Variants in LIG3 observed in about 807,000 individuals in gnomAD.
LIG3 encodes ligase II, DNA, ATP-dependent.
In LIG3, 58 loss-of-function variants were observed where a neutral mutation model predicts 110.9. That is an observed-to-expected ratio of 0.52 (90% CI 0.42 to 0.65). LIG3 has a LOEUF of 0.65. Ranked by LOEUF, LIG3 falls within the 30% of genes least tolerant of loss-of-function variation. The probability of loss-of-function intolerance (pLI) is 0.00; values close to 1 mark genes in which losing one functional copy is unlikely to be tolerated. For synonymous variants in LIG3, 422 were observed against 472.8 expected (o/e 0.89, Z 1.39); for missense variants, 1,094 against 1,273.8 (o/e 0.86, Z 2.15).
intron 9 of LIG3, among the ~76,000 whole-genome samples, chr17:34,995,347 G>A (rs1308254398): frequency 1.3e-5 from 2 of 152,206 alleles, no homozygotes; most frequent in African/African-American, 4.8e-5. Context: ...TCACTCAGGA[G>A]CTGTTTCTGG....
chr17:34,989,300 T>C (rs1004501838), intron 3 of LIG3, among the ~76,000 whole-genome samples, 166 bp from the exon 4 acceptor site: 3 of 152,160 alleles, frequency 2.0e-5, no homozygotes, highest in African/African-American at 7.2e-5. Context: ...TTACTTGGCC[T>C]CCATTTCTTT....
In LIG3 at chr17:35,008,367, G is replaced by C. The variant is rs2090910678; in HGVS notation, c.*3861G>C. The C allele has an allele frequency of 6.6e-6, 1 of 152,080 alleles. No homozygotes were observed. 9.4% of individuals were successfully genotyped at this position (152,080 alleles called of 1,614,324 possible). On this transcript the variant is annotated 3_prime_UTR_variant, in exon 20 of 20. Transcript: ENST00000378526. ...CTGAGCATCTTGACCAAGGTCACTT[G>C]GCCCAACCACAGGCTAATCCCAGGC...
rs1007072275 is a variant in LIG3 at position 35,004,436 on chromosome 17, C to T, written c.2960C>T (p.Ala987Val). The change falls in exon 20 of 20, where the codon GCG (alanine) becomes GTG (valine). Residue 987 changes from alanine to valine, a missense_variant. Ala to Val is a moderately conservative substitution (Grantham distance 64, BLOSUM62 0). Coordinates refer to ENST00000378526, the MANE Select transcript of LIG3 (RefSeq NM_013975.4). ...CTGGGTAGCAGGGACAAGAACCCTG[C>T]GGCCCAGCAGGTCTCCCCAGAGTGG... is the stretch of plus-strand genomic sequence containing the variant. ...HVLGSRDKNP[A>V]AQQVSPEWIW... 8 of 1,614,088 alleles carry T rather than the reference C, an allele frequency of 5.0e-6. No homozygotes were observed. The highest frequency in any genetic ancestry group is 4.0e-5 in the African/African-American group (3 of 74,930).
chr17:34,982,982 C>G lies in LIG3; in HGVS notation c.-4-20C>G. 3.1e-6 allele frequency: 4 copies of G among 1,304,926 alleles called. No individual in the cohort carries two copies. The highest frequency in any genetic ancestry group is 2.6e-5 in the East Asian group (1 of 38,158). 80.8% of individuals were successfully genotyped at this position (1,304,926 alleles called of 1,614,324 possible). ...TTATATCTTTTTTTTTTTTTTTTGG[C>G]CTCCTACTCTTTCGTACAGCTATAT... On this transcript the variant is annotated intron_variant, in intron 1 of 19. Transcript: ENST00000378526.
intron 3 of LIG3, among the ~76,000 whole-genome samples, chr17:34,989,170 G>T (rs533688831): frequency 6.6e-6 from 1 of 152,160 alleles, no homozygotes; most frequent in Admixed American, 6.5e-5. Flanking sequence ...CATGACTTTG[G>T]TCTTTATTCT....
In LIG3 at chr17:34,992,586, T is replaced by C; in HGVS notation, c.1349T>C (p.Val450Ala). 1 of 1,613,772 alleles carries C rather than the reference T, an allele frequency of 6.2e-7. No individual in the cohort carries two copies. Among genetic ancestry groups the C allele is most frequent in the Non-Finnish European group, 8.5e-7 (1 of 1,179,864 alleles). The change falls in exon 8 of 20, where the codon GTG (valine) becomes GCG (alanine). Residue 450 changes from valine to alanine, a missense_variant. By Grantham distance (64) the Val-to-Ala change is moderately conservative. Transcript: ENST00000378526. ...AAAGCCTCGCGCAACCTGCAGGATGTGGTGGAGCGGGTCCTTCACAACGCG... is the reference window on the plus strand; with the variant it reads ...AAAGCCTCGCGCAACCTGCAGGATGCGGTGGAGCGGGTCCTTCACAACGCG... ...AFKASRNLQD[V>A]VERVLHNAQE...
At chr17:34,996,722 A>G (rs954303322) in intron 11 of LIG3, 69 bp downstream of exon 11, 5 of 1,338,620 alleles carry the variant, frequency 3.7e-6, no homozygotes, top group Admixed American at 1.7e-5. Context: ...GGTGAGGAAG[A>G]TGGGGGCTTC....
chr17:35,005,354 T>C lies in LIG3; in HGVS notation c.*848T>C, dbSNP rs763139130. 3 of 556,004 alleles carry C rather than the reference T, an allele frequency of 5.4e-6. No individual in the cohort carries two copies. Among genetic ancestry groups the C allele is most frequent in the African/African-American group, 3.8e-5 (2 of 52,852 alleles). The allele number at this position is 556,004 out of a possible 1,614,324, so 34.4% of individuals were successfully genotyped here. A position where few individuals can be genotyped will look rare whatever the true frequency, so the allele number is the denominator to read the frequency against. Reference sequence around the variant, plus strand: ...AGTGCTCGAGTGTTCCAACCTGAAGTTGAAGAAGCCACCCTGGCTGCACAT... The same window carrying C: ...AGTGCTCGAGTGTTCCAACCTGAAGCTGAAGAAGCCACCCTGGCTGCACAT... On this transcript the variant is annotated 3_prime_UTR_variant, in exon 20 of 20. Coordinates refer to ENST00000378526, the MANE Select transcript of LIG3 (RefSeq NM_013975.4).
chr17:34,990,750 A>G (rs2090710527), intron 4 of LIG3, among the ~76,000 whole-genome samples: 1 of 152,080 alleles, frequency 6.6e-6, no homozygotes, highest in Admixed American at 6.6e-5. Flanking sequence ...GGCATATGCC[A>G]CCATGTCCAG....
Position 35,002,693 on chromosome 17 carries a change from C to A in LIG3, c.2700C>A (p.Ser900=). The A allele has an allele frequency of 6.2e-7, 1 of 1,613,586 alleles. No homozygotes were observed. The highest frequency in any genetic ancestry group is 1.7e-5 in the Admixed American group (1 of 59,932). The change falls in exon 19 of 20, where the codon TCC becomes TCA. Residue 900 remains serine, a synonymous_variant. Transcript: ENST00000378526. ...KDGNMQTAKP[S]AMKVGEKLAT... ...GCAACATGCAGACTGCAAAGCCTTCCGCTATGAAGGTGGGGGAGAAGCTGG... is the reference window on the plus strand; with the variant it reads ...GCAACATGCAGACTGCAAAGCCTTCAGCTATGAAGGTGGGGGAGAAGCTGG...
At chr17:34,980,956 G>A (rs1045329527) in intron 1 of LIG3, 3 of 152,366 alleles carry the variant, frequency 2.0e-5, no homozygotes, top group African/African-American at 7.2e-5. Flanking sequence ...GGGACTCAGG[G>A]AGCCTTGATC....
At chr17:34,998,419 G>T (rs2090803357) in intron 13 of LIG3, 123 bp downstream of exon 13, 13 of 1,104,188 alleles carry the variant, frequency 1.2e-5, no homozygotes, top group Non-Finnish European at 1.7e-5. Flanking sequence ...TGCTGGGGAA[G>T]TGTGGGCAGA....
At chr17:34,987,820 A>T (rs1761954300) in intron 3 of LIG3, among the ~76,000 whole-genome samples, 1 of 152,190 alleles carries the variant, frequency 6.6e-6, no homozygotes, top group Non-Finnish European at 1.5e-5. Context: ...TCCATGCCTC[A>T]TCTACCCCAT....
Position 34,983,318 on chromosome 17 carries a change from T to C in LIG3, c.313T>C (p.Cys105Arg). 1.2e-6 allele frequency: 2 copies of C among 1,614,220 alleles called. No homozygotes were observed. Among genetic ancestry groups the C allele is most frequent in the Non-Finnish European group, 1.7e-6 (2 of 1,180,036 alleles). ...CTATGCCAAGCGTGGCACAGCTGGCTGCAAAAAATGCAAGGAAAAGATTGT... is the reference window on the plus strand; with the variant it reads ...CTATGCCAAGCGTGGCACAGCTGGCCGCAAAAAATGCAAGGAAAAGATTGT... The part of the protein sequence containing the change: ...VDYAKRGTAG[C>R]KKCKEKIVKG... Residue 105 changes from cysteine to arginine, a missense_variant, in exon 2 of 20, where the codon TGC (cysteine) becomes CGC (arginine). Cys to Arg is a radical substitution (Grantham distance 180). Coordinates refer to ENST00000378526, the MANE Select transcript of LIG3 (RefSeq NM_013975.4).
chr17:34,996,528 C>A, intron 10 of LIG3, 46 bp from the exon 11 acceptor site: 1 of 1,479,566 alleles, frequency 6.8e-7, no homozygotes, highest in Non-Finnish European at 9.4e-7. Flanking sequence ...TTTTTTCACA[C>A]TGACTTTTGT....
chr17:34,999,415 T>C lies in LIG3; in HGVS notation c.2222T>C (p.Leu741Pro), dbSNP rs958733832. The C allele has an allele frequency of 6.2e-7, 1 of 1,614,144 alleles. No individual in the cohort carries two copies. The highest frequency in any genetic ancestry group is 1.3e-5 in the African/African-American group (1 of 75,074). The change falls in exon 15 of 20, where the codon CTG becomes CCG. Residue 741 changes from leucine (L) to proline (P), a missense_variant. Leu to Pro is a moderately conservative substitution (Grantham distance 98). Coordinates refer to ENST00000378526, the MANE Select transcript of LIG3 (RefSeq NM_013975.4). The part of the protein sequence containing the change: ...GGHDDATLAR[L>P]QNELDMVKIS... ...CATGATGATGCCACGCTTGCCCGCC[T>C]GCAGAATGAACTAGACATGGTGAAG...
chr17:34,991,272 G>A (rs2090718085), intron 5 of LIG3, 158 bp downstream of exon 5: 1 of 672,576 alleles, frequency 1.5e-6, no homozygotes, highest in Non-Finnish European at 2.5e-6. Flanking sequence ...AGCTGAATGT[G>A]AGGCTATAGC....
At position 34,999,776 on chromosome 17, in the gene LIG3, C is replaced by T; in HGVS notation, c.2257-6C>T. On this transcript the variant is annotated splice_polypyrimidine_tract_variant and splice_region_variant and intron_variant, in intron 15 of 19. Coordinates refer to ENST00000378526, the MANE Select transcript of LIG3 (RefSeq NM_013975.4). ...ACAGCCCAAAGTAGCATCTTTTCTC[C>T]TCTAGGACCCCAGCAAAATACCCAG... The T allele has an allele frequency of 1.2e-6, 2 of 1,613,536 alleles. No homozygotes were observed. Among genetic ancestry groups the T allele is most frequent in the Non-Finnish European group, 1.7e-6 (2 of 1,179,466 alleles).
chr17:35,005,741 G>A lies in LIG3; in HGVS notation c.*1235G>A. 1 of 560,838 alleles carries A rather than the reference G, an allele frequency of 1.8e-6. No individual in the cohort carries two copies. 34.7% of individuals were successfully genotyped at this position (560,838 alleles called of 1,614,324 possible). On this transcript the variant is annotated 3_prime_UTR_variant, in exon 20 of 20. Transcript: ENST00000378526. The stretch of plus-strand genomic sequence containing the variant: ...AACTGCCGGGCTATCTGATGGGTTA[G>A]AGCGCCTTTAAGAAGAAATCAGTGG...
Sources: allele counts gnomAD v4.1 joint callset (sites outside exome capture counted in the v4.1 genomes callset), GRCh38; gene constraint gnomAD v4.1.1; transcripts MANE v1.5; gene names NCBI Gene and HGNC (gene_info 2026-07-23, HGNC 2026-07-21).